ZNF285: variants seen among roughly 807,000 people sequenced by gnomAD.
ZNF285 encodes the protein zinc finger protein 285.
ZNF285 carries 4 observed loss-of-function variants against 6.2 expected under a neutral mutation model. That is an observed-to-expected ratio of 0.65 (90% CI 0.32 to 1.49). The LOEUF is 1.49. ZNF285 is among the 40% of genes most tolerant of loss of function. The pLI, the probability that ZNF285 is intolerant of heterozygous loss-of-function variation, is 0.07. For missense variants in ZNF285, 695 were observed against 708.8 expected (o/e 0.98, Z 0.22); for synonymous variants, 240 against 245.8 (o/e 0.98, Z 0.22).
intron 2 of ZNF285, among the ~76,000 whole-genome samples, chr19:44,396,087 G>A (rs538847731): frequency 6.6e-6 from 1 of 152,146 alleles, no homozygotes; most frequent in South Asian, 2.1e-4. Flanking sequence ...CCAGGCAGCA[G>A]GATAAAAGTG....
chr19:44,382,886 G>A lies in ZNF285; in HGVS notation c.*3586C>T, dbSNP rs998579401. ...CACCTCCCATCAGGAAGAGAAAGCC[G>A]CTGGGAAGTTGAGTTCATGTAAAGC... On this transcript the variant is annotated 3_prime_UTR_variant, in exon 4 of 4. Coordinates refer to ENST00000614994, the MANE Select transcript of ZNF285 (RefSeq NM_152354.6). The A allele has an allele frequency of 2.4e-4, 36 of 152,132 alleles. No homozygotes were observed. Among genetic ancestry groups the A allele is most frequent in the Non-Finnish European group, 2.8e-4 (19 of 68,036 alleles). The allele number at this position is 152,132 out of a possible 1,614,324, so 9.4% of individuals were successfully genotyped here. A position where few individuals can be genotyped will look rare whatever the true frequency, so the allele number is the denominator to read the frequency against.
chr19:44,394,683 TCTCTCAATAGA>T, intron 2 of ZNF285: 1 of 404,030 alleles, frequency 2.5e-6, no homozygotes, highest in Admixed American at 4.4e-5. Context: ...ACAGATATGT[TCTCTCAATAGA>T]CTCTGCATCT....
chr19:44,399,223 C>T lies in ZNF285; in HGVS notation c.-43-1967G>A, dbSNP rs542569071. ...TCCTTGGACTCTTTTTCTCTCCTTT[C>T]CTACCTTTAAGAGACATCATTAATC... On this transcript the variant is annotated intron_variant, in intron 1 of 3. Transcript: ENST00000614994. Among the ~76,000 whole-genome samples the T allele has an allele frequency of 1.1e-4, 16 of 147,098 alleles. No homozygotes were observed. In the South Asian group the frequency reaches 3.5e-3, roughly 32 times the overall value.
At chr19:44,389,992 A>C (rs1235240517) in intron 3 of ZNF285, among the ~76,000 whole-genome samples, 1 of 152,152 alleles carries the variant, frequency 6.6e-6, no homozygotes. Flanking sequence ...TCTGTGACTC[A>C]GTTGTTTCAT....
intron 3 of ZNF285, among the ~76,000 whole-genome samples, chr19:44,388,320 C>T (rs1971134099): frequency 6.6e-6 from 1 of 152,032 alleles, no homozygotes; most frequent in South Asian, 2.1e-4. Context: ...TGGCTCATGC[C>T]TGTAACAGCA....
In ZNF285 at chr19:44,386,765, T is replaced by C. The variant is rs1330390357; in HGVS notation, c.1480A>G (p.Ser494Gly). ...YKCEVCGKCF[S>G]YSSYFHLHQR... ...TGTAAGTGAAAATATGAACTGTAAC[T>C]GAAGCACTTTCCACACACTTCACAT... The change falls in exon 4 of 4, where the codon AGT (serine) becomes GGT (glycine). Residue 494 changes from serine (S) to glycine (G), a missense_variant. By Grantham distance (56) the Ser-to-Gly change is moderately conservative. Coordinates refer to ENST00000614994, the MANE Select transcript of ZNF285 (RefSeq NM_152354.6). 6.2e-7 allele frequency: 1 copy of C among 1,614,232 alleles called. No individual in the cohort carries two copies. The highest frequency in any genetic ancestry group is 8.5e-7 in the Non-Finnish European group (1 of 1,180,036).
intron 2 of ZNF285, 148 bp downstream of exon 2, chr19:44,397,051 C>A (rs886701409): frequency 1.8e-5 from 21 of 1,188,706 alleles, no homozygotes; most frequent in Non-Finnish European, 2.4e-5. Context: ...GGGAGTCAAA[C>A]CACCTGCCTC....
At position 44,385,650 on chromosome 19, in the gene ZNF285, G is replaced by A. The variant is rs1971056534; in HGVS notation, c.*822C>T. ...ATAAACCACCAAAAATCTCAGTGGT[G>A]AGACACAATGAACTTTTATTTCTTA... On this transcript the variant is annotated 3_prime_UTR_variant, in exon 4 of 4. Transcript: ENST00000614994. 2.0e-5 allele frequency: 3 copies of A among 152,200 alleles called. No individual in the cohort carries two copies. Among genetic ancestry groups the A allele is most frequent in the Admixed American group, 2.0e-4 (3 of 15,286 alleles). The allele number at this position is 152,200 out of a possible 1,614,324, so 9.4% of individuals were successfully genotyped here. A position where few individuals can be genotyped will look rare whatever the true frequency, so the allele number is the denominator to read the frequency against.
chr19:44,389,125 T>C (rs1335816341), intron 3 of ZNF285, among the ~76,000 whole-genome samples: 1 of 151,446 alleles, frequency 6.6e-6, no homozygotes, highest in Non-Finnish European at 1.5e-5. Context: ...TTCTGCCCTT[T>C]TAAGTTGTTG....
Position 44,387,538 on chromosome 19 carries a change from T to G in ZNF285, c.707A>C (p.Asn236Thr). ...HVLPQPFPCN[N>T]CGVAFADDTD... ...ATCATCTGCAAAGGCCACCCCACAG[T>G]TATTACATGGGAAAGGCTGTGGTAA... The change falls in exon 4 of 4, where the codon AAC becomes ACC. Residue 236 changes from asparagine to threonine, a missense_variant. Asn to Thr is a moderately conservative substitution (Grantham distance 65). Coordinates refer to ENST00000614994, the MANE Select transcript of ZNF285 (RefSeq NM_152354.6). 6.2e-7 allele frequency: 1 copy of G among 1,613,954 alleles called. No homozygotes were observed. The highest frequency in any genetic ancestry group is 8.5e-7 in the Non-Finnish European group (1 of 1,179,862).
At chr19:44,392,068 G>C (rs1971205031) in intron 3 of ZNF285, 27 of 834,788 alleles carry the variant, frequency 3.2e-5, no homozygotes, top group Non-Finnish European at 4.2e-5. Context: ...GAGCCTAAAT[G>C]TGTGAGTAGG....
intron 2 of ZNF285, among the ~76,000 whole-genome samples, chr19:44,393,139 T>C (rs933822992): frequency 6.6e-6 from 1 of 152,132 alleles, no homozygotes; most frequent in Non-Finnish European, 1.5e-5. Context: ...AATGCTCTTA[T>C]TCTTAGGAGA....
At chr19:44,390,766 G>C (rs1395865144) in intron 3 of ZNF285, among the ~76,000 whole-genome samples, 1 of 151,854 alleles carries the variant, frequency 6.6e-6, no homozygotes, top group Admixed American at 6.6e-5. Flanking sequence ...TGTCATGAGA[G>C]GAACCTGGTA....
intron 3 of ZNF285, among the ~76,000 whole-genome samples, chr19:44,390,727 C>G (rs1160255205): frequency 4.6e-5 from 7 of 151,866 alleles, no homozygotes; most frequent in Admixed American, 1.3e-4. Context: ...CAAATCTCAT[C>G]TTGAATTGTA....
chr19:44,390,414 A>G (rs529845367), intron 3 of ZNF285, among the ~76,000 whole-genome samples: 2 of 152,238 alleles, frequency 1.3e-5, no homozygotes, highest in South Asian at 4.1e-4. Context: ...TCAGACTTGC[A>G]TGGGGCCTGT....
intron 1 of ZNF285, among the ~76,000 whole-genome samples, chr19:44,400,646 C>T (rs993694735): frequency 2.6e-5 from 4 of 152,122 alleles, no homozygotes; most frequent in African/African-American, 9.7e-5. Flanking sequence ...GTGATCTCAG[C>T]TCACTGCAAG....
intron 2 of ZNF285, among the ~76,000 whole-genome samples, chr19:44,395,710 A>T (rs2123283690): frequency 6.6e-6 from 1 of 152,242 alleles, no homozygotes; most frequent in East Asian, 1.9e-4. Flanking sequence ...AAAGGACCAG[A>T]GTGTGTTTCC....
At chr19:44,390,707 T>C (rs1218164536) in intron 3 of ZNF285, among the ~76,000 whole-genome samples, 2 of 152,000 alleles carry the variant, frequency 1.3e-5, no homozygotes, top group African/African-American at 4.8e-5. Flanking sequence ...GGTCTGGCTG[T>C]GTCCCCACCC....
In ZNF285 at chr19:44,390,495, T is replaced by C. The variant is rs377478218; in HGVS notation, c.142+1845A>G. ...TTACACAATGCCTGTACCTGCACTG[T>C]ATCTAGGAAGTAAATAACTTGTTTT... On this transcript the variant is annotated intron_variant, in intron 3 of 3. Transcript: ENST00000614994. Among the ~76,000 whole-genome samples the C allele has an allele frequency of 2.0e-3, 308 of 152,296 alleles. 1 individual carries two copies. Among genetic ancestry groups the C allele is most frequent in the African/African-American group, 6.4e-3 (266 of 41,522 alleles).
Sources: allele counts gnomAD v4.1 joint callset (sites outside exome capture counted in the v4.1 genomes callset), GRCh38; gene constraint gnomAD v4.1.1; transcripts MANE v1.5; gene names NCBI Gene and HGNC (gene_info 2026-07-23, HGNC 2026-07-21).